Variants in DUSP22 observed in about 807,000 individuals in gnomAD.
The protein encoded by DUSP22 is dual specificity protein phosphatase 22.
A neutral mutation model predicts 24.5 loss-of-function variants in DUSP22; 24 were observed. That is an observed-to-expected ratio of 0.98 (90% CI 0.71 to 1.38). The LOEUF (loss-of-function observed/expected upper bound fraction) is 1.38, where lower values mean the gene tolerates loss of function less well. Ranked by LOEUF, DUSP22 falls within the 40% of genes most tolerant of loss-of-function variation. The probability of loss-of-function intolerance (pLI) is 0.00; values close to 1 mark genes in which losing one functional copy is unlikely to be tolerated. For synonymous variants in DUSP22, 160 were observed against 106.4 expected, an observed-to-expected ratio of 1.50 and a Z score of -3.10; for missense variants, 330 against 269.2, an observed-to-expected ratio of 1.23 and a Z score of -1.58.
intron 3 of DUSP22, among the ~76,000 whole-genome samples, chr6:331,718 C>A (rs1393412318): frequency 6.6e-6 from 1 of 152,422 alleles, no homozygotes; most frequent in South Asian, 2.1e-4. Flanking sequence ...GTATCTGAAG[C>A]TGTTCTAAGG....
chr6:319,636 C>A (rs536229470), intron 3 of DUSP22, among the ~76,000 whole-genome samples: 1 of 152,310 alleles, frequency 6.6e-6, no homozygotes, highest in Non-Finnish European at 1.5e-5. Context: ...TTGTTTCCAG[C>A]GTGGGTGAAT....
chr6:295,105 C>T (rs1427665004), intron 1 of DUSP22, among the ~76,000 whole-genome samples: 2 of 152,288 alleles, frequency 1.3e-5, no homozygotes, highest in Admixed American at 6.5e-5. Flanking sequence ...GGTTGATTTG[C>T]AGAATCAGCG....
chr6:295,591 A>G (rs1336933895), intron 1 of DUSP22, among the ~76,000 whole-genome samples: 1 of 152,242 alleles, frequency 6.6e-6, no homozygotes, highest in African/African-American at 2.4e-5. Context: ...CCTGGGCAAC[A>G]TGGCAAAACC....
At chr6:301,295 T>A (rs1254693953) in intron 1 of DUSP22, among the ~76,000 whole-genome samples, 1 of 152,304 alleles carries the variant, frequency 6.6e-6, no homozygotes, top group African/African-American at 2.4e-5. Context: ...TCTTCTCTGT[T>A]TAGAAAGAAT....
At chr6:319,931 A>G (rs1758515487) in intron 3 of DUSP22, 1 of 152,368 alleles carries the variant, frequency 6.6e-6, no homozygotes, top group African/African-American at 2.4e-5. Context: ...TGATTATAGC[A>G]GGGATCGAAA....
rs1313730625 is a variant in DUSP22 at position 348,700 on chromosome 6, G to A, written c.436-69G>A. The A allele has an allele frequency of 4.4e-6, 7 of 1,599,592 alleles. No individual in the cohort carries two copies. The Admixed American group carries it at 6.7e-5, about 15-fold the overall frequency. ...CACCATCTCTGTGGTGAAGTCACAG[G>A]TGCAAGCCCACGTGGATGCAGACGT... On this transcript the variant is annotated intron_variant, in intron 6 of 6. Transcript: ENST00000419235.
chr6:315,808 A>G (rs1304897446), intron 3 of DUSP22, among the ~76,000 whole-genome samples: 1 of 152,310 alleles, frequency 6.6e-6, no homozygotes, highest in East Asian at 1.9e-4. Context: ...GTCTTGGGAC[A>G]GGTACTGTGG....
chr6:322,055 TATCTACATAGTGTATGCATATC>T (rs1226901136), intron 3 of DUSP22, among the ~76,000 whole-genome samples: 14 of 152,286 alleles, frequency 9.2e-5, no homozygotes, highest in Non-Finnish European at 1.5e-4. Flanking sequence ...TATCACAGTG[TATCTACATAGTGTATGCATATC>T]ATCTACATAG....
intron 2 of DUSP22, among the ~76,000 whole-genome samples, chr6:308,766 G>T (rs1215044273): frequency 2.0e-5 from 3 of 152,306 alleles, no homozygotes; most frequent in East Asian, 1.9e-4. Flanking sequence ...CTTGATCAGG[G>T]TCCGTATTAT....
At chr6:334,595 A>G in intron 3 of DUSP22, among the ~76,000 whole-genome samples, 1 of 152,428 alleles carries the variant, frequency 6.6e-6, no homozygotes, top group South Asian at 2.1e-4. Context: ...AATAAAACAA[A>G]TTATCCCCAG....
intron 1 of DUSP22, among the ~76,000 whole-genome samples, chr6:302,192 C>T (rs1194521246): frequency 2.6e-5 from 4 of 152,304 alleles, no homozygotes; most frequent in Admixed American, 6.5e-5. Flanking sequence ...CACAGCTGTA[C>T]CTTTCCTGTT....
Position 349,070 on chromosome 6 carries a change from C to G in DUSP22, c.*119C>G. Reference sequence around the variant, plus strand: ...GGGAGATAGCCAGGGCGAGGTGGGGCGAGGGCTCCTTCCCCCAAGCAACAC... The same window carrying G: ...GGGAGATAGCCAGGGCGAGGTGGGGGGAGGGCTCCTTCCCCCAAGCAACAC... On this transcript the variant is annotated 3_prime_UTR_variant, in exon 7 of 7. Transcript: ENST00000419235. The G allele has an allele frequency of 6.8e-7, 1 of 1,477,254 alleles. No individual in the cohort carries two copies. Among genetic ancestry groups the G allele is most frequent in the South Asian group, 1.4e-5 (1 of 72,500 alleles). 91.5% of individuals were successfully genotyped at this position (1,477,254 alleles called of 1,614,324 possible).
At chr6:304,505 G>T in intron 1 of DUSP22, 123 bp from the exon 2 acceptor site, 2 of 1,386,366 alleles carry the variant, frequency 1.4e-6, no homozygotes, top group Non-Finnish European at 2.1e-6. Context: ...GTCTGTCAGG[G>T]AGGTGCTGTA....
chr6:343,507 G>A (rs1190631790), intron 4 of DUSP22, among the ~76,000 whole-genome samples: 1 of 152,290 alleles, frequency 6.6e-6, no homozygotes, highest in African/African-American at 2.4e-5. Context: ...ACTCTGGTCT[G>A]TTCTTATTTA....
At chr6:307,490 C>A (rs1251382210) in intron 2 of DUSP22, among the ~76,000 whole-genome samples, 1 of 152,312 alleles carries the variant, frequency 6.6e-6, no homozygotes, top group Non-Finnish European at 1.5e-5. Context: ...ACAAACCCAG[C>A]TCTGGAGCCC....
intron 2 of DUSP22, among the ~76,000 whole-genome samples, chr6:307,114 G>A (rs1011551829): frequency 2.0e-5 from 3 of 152,302 alleles, no homozygotes; most frequent in African/African-American, 4.8e-5. Context: ...TTTCCTGGGC[G>A]GTGAATCCAG....
chr6:340,423 G>T (rs1445763951), intron 4 of DUSP22, among the ~76,000 whole-genome samples: 4 of 152,424 alleles, frequency 2.6e-5, no homozygotes, highest in African/African-American at 7.2e-5. Flanking sequence ...GCCGTGGACA[G>T]ATTTCTGCCC....
chr6:333,854 A>C (rs995770508), intron 3 of DUSP22, among the ~76,000 whole-genome samples: 11 of 152,302 alleles, frequency 7.2e-5, no homozygotes, highest in Non-Finnish European at 4.4e-5. Flanking sequence ...CCAGGTGGGG[A>C]GTCCCTAATC....
chr6:301,624 G>A (rs776936733), intron 1 of DUSP22, among the ~76,000 whole-genome samples: 38 of 152,378 alleles, frequency 2.5e-4, no homozygotes, highest in South Asian at 1.0e-3. Flanking sequence ...GAGGCTCTGC[G>A]CAAGGCTGAG....
Sources: gnomAD v4.1 joint callset for allele counts (sites outside exome capture counted in the v4.1 genomes callset) on GRCh38, gnomAD v4.1.1 for gene constraint, MANE v1.5 for transcripts, NCBI Gene and HGNC (gene_info 2026-07-23, HGNC 2026-07-21) for gene names.